The following SLC25A21 variants were observed in gnomAD, a reference collection of about 807,000 sequenced individuals.
SLC25A21 encodes solute carrier family 25 member 21.
Under a neutral mutation model 43.8 loss-of-function variants are expected in SLC25A21, and 47 were observed. That is an observed-to-expected ratio of 1.07 (90% CI 0.85 to 1.37). The LOEUF is 1.37. Ranked by LOEUF, SLC25A21 falls within the 40% of genes most tolerant of loss-of-function variation. SLC25A21 has a pLI of 0.00. For synonymous variants in SLC25A21, 131 were observed against 121.3 expected (o/e 1.08, Z -0.52); for missense variants, 352 against 350.2 (o/e 1.00, Z -0.04).
intron 6 of SLC25A21, among the ~76,000 whole-genome samples, chr14:36,718,419 ACAT>A (rs1475756321): frequency 6.6e-6 from 1 of 152,214 alleles, no homozygotes; most frequent in African/African-American, 2.4e-5. Context: ...TTAACCCAAT[ACAT>A]CATCATGAAT....
At chr14:36,906,798 C>T (rs557787865) in intron 1 of SLC25A21, among the ~76,000 whole-genome samples, 2 of 152,154 alleles carry the variant, frequency 1.3e-5, no homozygotes, top group African/African-American at 4.8e-5. Flanking sequence ...CCACCATGCC[C>T]GGCTGGGAAG....
chr14:37,021,167 G>A (rs1960977785), intron 1 of SLC25A21, among the ~76,000 whole-genome samples: 1 of 151,972 alleles, frequency 6.6e-6, no homozygotes, highest in East Asian at 1.9e-4. Context: ...GACCGATTGT[G>A]ATGATGACTG....
intron 1 of SLC25A21, among the ~76,000 whole-genome samples, chr14:37,098,871 C>A (rs183712405): frequency 5.3e-5 from 8 of 150,868 alleles, no homozygotes; most frequent in Admixed American, 5.3e-4. Context: ...GGCATGATCT[C>A]GGCTCACTGC....
At chr14:36,810,914 G>GAGAA (rs1555329738) in intron 3 of SLC25A21, among the ~76,000 whole-genome samples, 40 of 94,896 alleles carry the variant, frequency 4.2e-4, no homozygotes, top group South Asian at 1.1e-3. Flanking sequence ...GCATATGATA[G>GAGAA]AGAAAAGAGT....
intron 1 of SLC25A21, among the ~76,000 whole-genome samples, chr14:36,893,795 T>C (rs1039980931): frequency 3.3e-5 from 5 of 152,202 alleles, no homozygotes; most frequent in African/African-American, 7.2e-5. Flanking sequence ...ATTTATTAAA[T>C]AGGGAATCCT....
chr14:36,698,472 TG>T, intron 7 of SLC25A21, among the ~76,000 whole-genome samples: 1 of 152,326 alleles, frequency 6.6e-6, no homozygotes, highest in South Asian at 2.1e-4. Flanking sequence ...CTTGCTAGGT[TG>T]GGGAAGTTCT....
chr14:36,701,426 T>A (rs1232476198), intron 7 of SLC25A21, among the ~76,000 whole-genome samples: 1 of 152,210 alleles, frequency 6.6e-6, no homozygotes, highest in Admixed American at 6.5e-5. Context: ...GGCTTTGGAA[T>A]GAAATCAAAG....
intron 3 of SLC25A21, among the ~76,000 whole-genome samples, chr14:36,792,110 A>G (rs1051376724): frequency 2.0e-5 from 3 of 152,132 alleles, no homozygotes; most frequent in African/African-American, 7.2e-5. Flanking sequence ...TTTTTTATAA[A>G]TACTCTGAGG....
intron 1 of SLC25A21, among the ~76,000 whole-genome samples, chr14:37,101,108 T>C (rs1242298589): frequency 6.6e-6 from 1 of 152,194 alleles, no homozygotes; most frequent in Admixed American, 6.5e-5. Flanking sequence ...AAATAATGTG[T>C]TAATCCAACT....
rs756293086 is a variant in SLC25A21 at position 37,143,356 on chromosome 14, C to T, written c.70+28925G>A. On this transcript the variant is annotated intron_variant, in intron 1 of 9. Transcript: ENST00000331299. The stretch of plus-strand genomic sequence containing the variant: ...CACCCTTTCTGCACTGCACATTCCT[C>T]GTGGTTCAAATCAGAATGGCCACAC... Among the ~76,000 whole-genome samples, 9 of 152,182 alleles carry T rather than the reference C, an allele frequency of 5.9e-5. No individual in the cohort carries two copies. In the South Asian group the frequency reaches 6.2e-4, roughly 10 times the overall value.
At chr14:37,115,481 A>T (rs1453900462) in intron 1 of SLC25A21, among the ~76,000 whole-genome samples, 2 of 152,204 alleles carry the variant, frequency 1.3e-5, no homozygotes, top group Non-Finnish European at 2.9e-5. Context: ...GAAAAAAGAG[A>T]AAACTCTAAT....
intron 1 of SLC25A21, among the ~76,000 whole-genome samples, chr14:36,884,387 T>C (rs1436063188): frequency 6.6e-6 from 1 of 152,208 alleles, no homozygotes; most frequent in Non-Finnish European, 1.5e-5. Context: ...GATGGACATT[T>C]AGGTTGGTTT....
intron 1 of SLC25A21, among the ~76,000 whole-genome samples, chr14:36,917,122 C>T (rs1019763417): frequency 6.6e-6 from 1 of 152,110 alleles, no homozygotes; most frequent in African/African-American, 2.4e-5. Flanking sequence ...GCTCTTTCTG[C>T]TTCCAGTTTC....
chr14:36,920,238 A>G (rs1390185013), intron 1 of SLC25A21, among the ~76,000 whole-genome samples: 1 of 152,082 alleles, frequency 6.6e-6, no homozygotes, highest in Non-Finnish European at 1.5e-5. Flanking sequence ...TTCAGGTAAA[A>G]TAATTCTTGG....
At chr14:36,944,203 C>G (rs539918372) in intron 1 of SLC25A21, among the ~76,000 whole-genome samples, 1 of 152,232 alleles carries the variant, frequency 6.6e-6, no homozygotes, top group East Asian at 1.9e-4. Flanking sequence ...CCTGTCGACA[C>G]CTGGGACCCT....
At chr14:36,707,285 GT>G (rs1883614208) in intron 7 of SLC25A21, among the ~76,000 whole-genome samples, 1 of 152,150 alleles carries the variant, frequency 6.6e-6, no homozygotes, top group African/African-American at 2.4e-5. Context: ...CTAAATGTGA[GT>G]TTGTTTGTTT....
At chr14:36,847,903 T>A (rs1280964016) in intron 2 of SLC25A21, among the ~76,000 whole-genome samples, 9 of 143,804 alleles carry the variant, frequency 6.3e-5, no homozygotes, top group Non-Finnish European at 9.5e-5. Context: ...AAAGTAACTC[T>A]GGAAGCGGTA....
In SLC25A21 at chr14:36,678,649, G is replaced by A; in HGVS notation, c.*2009C>T. The A allele has an allele frequency of 7.9e-7, 1 of 1,261,248 alleles. No individual in the cohort carries two copies. Among genetic ancestry groups the A allele is most frequent in the African/African-American group, 1.5e-5 (1 of 65,648 alleles). The allele number at this position is 1,261,248 out of a possible 1,614,324, so 78.1% of individuals were successfully genotyped here. On this transcript the variant is annotated 3_prime_UTR_variant, in exon 10 of 10. Coordinates refer to ENST00000331299, the MANE Select transcript of SLC25A21 (RefSeq NM_030631.4). ...CAAATGTTTTTAGGTGGCTGTTAGG[G>A]GGCTTTAAAAAATATTACTTGCTTG...
At chr14:37,110,608 G>C (rs1479874050) in intron 1 of SLC25A21, among the ~76,000 whole-genome samples, 1 of 152,192 alleles carries the variant, frequency 6.6e-6, no homozygotes, top group South Asian at 2.1e-4. Context: ...TTTTTCTCCA[G>C]GTCACCCAGT....
Sources: gnomAD v4.1 joint callset for allele counts (sites outside exome capture counted in the v4.1 genomes callset) on GRCh38, gnomAD v4.1.1 for gene constraint, MANE v1.5 for transcripts, NCBI Gene and HGNC (gene_info 2026-07-23, HGNC 2026-07-21) for gene names.